The following PRPF4 variants were observed in gnomAD, a reference collection of about 807,000 sequenced individuals.
PRPF4 encodes the protein pre-mRNA splicing tri-snRNP complex factor PRPF4.
PRPF4 carries 14 observed loss-of-function variants against 72.2 expected under a neutral mutation model. The ratio of observed to expected loss-of-function variants is 0.19; its 90% confidence interval spans 0.13 to 0.30. The LOEUF (loss-of-function observed/expected upper bound fraction) is 0.30, where lower values mean the gene tolerates loss of function less well. Ranked by LOEUF, PRPF4 falls within the 10% of genes least tolerant of loss-of-function variation. The probability of loss-of-function intolerance (pLI) is 1.00; values close to 1 mark genes in which losing one functional copy is unlikely to be tolerated. For missense variants in PRPF4, 478 were observed against 653.9 expected (o/e 0.73, Z 2.93); for synonymous variants, 225 against 232.2 (o/e 0.97, Z 0.28).
intron 10 of PRPF4, among the ~76,000 whole-genome samples, chr9:113,288,729 G>A (rs527755544): frequency 7.2e-5 from 11 of 152,152 alleles, no homozygotes; most frequent in South Asian, 4.1e-4. Flanking sequence ...CAGGTAACGC[G>A]CCCAGCCATA....
At chr9:113,285,212 T>G (rs1475609087) in intron 7 of PRPF4, among the ~76,000 whole-genome samples, 1 of 151,254 alleles carries the variant, frequency 6.6e-6, no homozygotes, top group East Asian at 1.9e-4. Flanking sequence ...CTCTAAAAAG[T>G]TTAAGGCCAG....
Position 113,276,558 on chromosome 9 carries a change from C to G in PRPF4, c.38C>G (p.Thr13Ser), listed in dbSNP as rs1588006934. The G allele has an allele frequency of 1.2e-6, 2 of 1,614,048 alleles. No individual in the cohort carries two copies. The highest frequency in any genetic ancestry group is 1.7e-6 in the Non-Finnish European group (2 of 1,180,038). ...SSRASSTATK[T>S]KAPDDLVAPV... ...TCTTTGATTTAGCAGGCAACCAAAACTAAAGCACCCGACGACTTAGTTGCT... is the reference window on the plus strand; with the variant it reads ...TCTTTGATTTAGCAGGCAACCAAAAGTAAAGCACCCGACGACTTAGTTGCT... Residue 13 changes from threonine (T) to serine (S), a missense_variant, in exon 2 of 14, where the codon ACT becomes AGT. Thr to Ser is a moderately conservative substitution (Grantham distance 58). Transcript: ENST00000374198.
At chr9:113,276,962 A>G (rs967269426) in intron 2 of PRPF4, among the ~76,000 whole-genome samples, 2 of 151,444 alleles carry the variant, frequency 1.3e-5, no homozygotes, top group Non-Finnish European at 2.9e-5. Context: ...TTACAGGCGC[A>G]CACCACCACG....
chr9:113,277,400 G>C (rs750751271), intron 2 of PRPF4, among the ~76,000 whole-genome samples: 1 of 151,692 alleles, frequency 6.6e-6, no homozygotes, highest in Non-Finnish European at 1.5e-5. Flanking sequence ...GTGTGTGTGT[G>C]TGTGTGACAG....
intron 3 of PRPF4, among the ~76,000 whole-genome samples, chr9:113,282,201 A>G (rs1054700454): frequency 2.0e-5 from 3 of 152,222 alleles, no homozygotes; most frequent in African/African-American, 7.2e-5. Context: ...GGCCGGGTAT[A>G]GTGGCTCATG....
At chr9:113,284,488 C>A (rs1320992475) in intron 7 of PRPF4, 99 bp downstream of exon 7, 9 of 978,004 alleles carry the variant, frequency 9.2e-6, no homozygotes, top group South Asian at 8.1e-5. Flanking sequence ...CGTCCTCTTT[C>A]TCTGCTTCTC....
chr9:113,291,532 G>T lies in PRPF4; in HGVS notation c.1438G>T (p.Gly480Cys). The T allele has an allele frequency of 6.2e-7, 1 of 1,614,136 alleles. No individual in the cohort carries two copies. The highest frequency in any genetic ancestry group is 8.5e-7 in the Non-Finnish European group (1 of 1,180,028). Reference sequence around the variant, plus strand: ...CACAGCCAAGATCTGGACGCACCCAGGCTGGTCCCCGCTGAAGACTCTGGC... The same window carrying T: ...CACAGCCAAGATCTGGACGCACCCATGCTGGTCCCCGCTGAAGACTCTGGC... ...DNTAKIWTHP[G>C]WSPLKTLAGH... Residue 480 changes from glycine (G) to cysteine (C), a missense_variant, in exon 14 of 14, where the codon GGC (glycine) becomes TGC (cysteine). By Grantham distance (159) the Gly-to-Cys change is radical. Transcript: ENST00000374198.
At chr9:113,276,356 A>T (rs1832094389) in intron 1 of PRPF4, among the ~76,000 whole-genome samples, 192 bp from the exon 2 acceptor site, 1 of 152,216 alleles carries the variant, frequency 6.6e-6, no homozygotes, top group African/African-American at 2.4e-5. Context: ...AACCAAAGTG[A>T]GGGACTGAAA....
chr9:113,278,461 A>G (rs761117342), intron 2 of PRPF4, among the ~76,000 whole-genome samples: 11 of 152,324 alleles, frequency 7.2e-5, no homozygotes, highest in South Asian at 2.1e-4. Context: ...TTTCAAAACT[A>G]TTGCTAGATT....
intron 1 of PRPF4, 54 bp downstream of exon 1, chr9:113,275,824 G>A: frequency 1.9e-6 from 3 of 1,603,188 alleles, no homozygotes; most frequent in Non-Finnish European, 2.6e-6. Flanking sequence ...AGGGGGAAGG[G>A]GATCTCTGCG....
chr9:113,289,533 G>A (rs753899125), intron 10 of PRPF4, among the ~76,000 whole-genome samples: 10 of 152,156 alleles, frequency 6.6e-5, no homozygotes, highest in South Asian at 2.1e-4. Flanking sequence ...GTGATCTCCC[G>A]TGATTTTCAT....
rs1832331506 is a variant in PRPF4 at position 113,283,141 on chromosome 9, A to G, written c.490A>G (p.Thr164Ala). ...SKKSKEEYQQ[T>A]WYHEGPNSLK... ...TTAATTTGCCTTTCAGTATCAGCAA[A>G]CCTGGTATCATGAAGGACCAAATAG... is the stretch of plus-strand genomic sequence containing the variant. Residue 164 changes from threonine (T) to alanine (A), a missense_variant, in exon 5 of 14, where the codon ACC becomes GCC. Transcript: ENST00000374198. The G allele has an allele frequency of 1.2e-6, 2 of 1,614,026 alleles. No individual in the cohort carries two copies. Among genetic ancestry groups the G allele is most frequent in the South Asian group, 1.1e-5 (1 of 91,088 alleles).
At chr9:113,290,658 A>C in intron 11 of PRPF4, 42 bp from the exon 12 acceptor site, 1 of 1,614,134 alleles carries the variant, frequency 6.2e-7, no homozygotes, top group Non-Finnish European at 8.5e-7. Flanking sequence ...GCTTCCACAG[A>C]GAACTGGATT....
chr9:113,284,079 A>AG (rs1420644124), intron 6 of PRPF4, among the ~76,000 whole-genome samples: 2 of 151,966 alleles, frequency 1.3e-5, no homozygotes, highest in Non-Finnish European at 2.9e-5. Context: ...AAAAAAAAAA[A>AG]AAAAAAAGAC....
Position 113,276,662 on chromosome 9 carries a change from G to C in PRPF4, c.142G>C (p.Gly48Arg). ...GGAGCGTCTGGCCAAAGGAGAGTCT[G>C]GGATTTTGGGGAAAGACGGACTTAA... is the stretch of plus-strand genomic sequence containing the variant. Reference protein sequence around the residue: ...ERERLAKGESGILGKDGLKAG... With the variant: ...ERERLAKGESRILGKDGLKAG... The change falls in exon 2 of 14, where the codon GGG (glycine) becomes CGG (arginine). Residue 48 changes from glycine (G) to arginine (R), a missense_variant. Transcript: ENST00000374198. 6.2e-7 allele frequency: 1 copy of C among 1,614,070 alleles called. No homozygotes were observed. The highest frequency in any genetic ancestry group is 8.5e-7 in the Non-Finnish European group (1 of 1,180,014).
intron 3 of PRPF4, 116 bp downstream of exon 3, chr9:113,279,247 AT>A: frequency 1.0e-6 from 1 of 968,076 alleles, no homozygotes; most frequent in Non-Finnish European, 1.5e-6. Flanking sequence ...TGTTAACAAT[AT>A]CTTACTGTGT....
Position 113,283,369 on chromosome 9 carries a change from A to G in PRPF4, c.561-20A>G, listed in dbSNP as rs1340317819. On this transcript the variant is annotated intron_variant, in intron 5 of 13. Coordinates refer to ENST00000374198, the MANE Select transcript of PRPF4 (RefSeq NM_001244926.2). Reference sequence around the variant, plus strand: ...GTTTACAACCCTGTTGCTCCTGGTGATGGTGTTTCTGTGTCGCAGGGCAAT... The same window carrying G: ...GTTTACAACCCTGTTGCTCCTGGTGGTGGTGTTTCTGTGTCGCAGGGCAAT... The G allele has an allele frequency of 2.5e-6, 4 of 1,613,940 alleles. No homozygotes were observed. Among genetic ancestry groups the G allele is most frequent in the Non-Finnish European group, 2.5e-6 (3 of 1,179,944 alleles).
At position 113,292,595 on chromosome 9, in the gene PRPF4, A is replaced by G. The variant is rs1366341265; in HGVS notation, c.*935A>G. 1.3e-5 allele frequency: 2 copies of G among 152,176 alleles called. No individual in the cohort carries two copies. The highest frequency in any genetic ancestry group is 4.8e-5 in the African/African-American group (2 of 41,436). The allele number at this position is 152,176 out of a possible 1,614,324, so 9.4% of individuals were successfully genotyped here. A position where few individuals can be genotyped will look rare whatever the true frequency, so the allele number is the denominator to read the frequency against. On this transcript the variant is annotated 3_prime_UTR_variant, in exon 14 of 14. Coordinates refer to ENST00000374198, the MANE Select transcript of PRPF4 (RefSeq NM_001244926.2). ...GAACTGAACATTTGCTTTGTCAGAA[A>G]ATATCTTTTTTTTTACTTTGAAGTT... is the stretch of plus-strand genomic sequence containing the variant.
intron 4 of PRPF4, 120 bp downstream of exon 4, chr9:113,282,853 C>T: frequency 1.9e-6 from 2 of 1,040,798 alleles, no homozygotes; most frequent in South Asian, 1.6e-5. Flanking sequence ...TTTGAAGGCT[C>T]TACCATTCAA....
Sources: gnomAD v4.1 joint callset for allele counts (sites outside exome capture counted in the v4.1 genomes callset) on GRCh38, gnomAD v4.1.1 for gene constraint, MANE v1.5 for transcripts, NCBI Gene and HGNC (gene_info 2026-07-23, HGNC 2026-07-21) for gene names.